The following PRKD3 variants were observed in gnomAD, a reference collection of about 807,000 sequenced individuals.
PRKD3 encodes protein kinase D3, also known as serine/threonine-protein kinase D3.
Under a neutral mutation model 99.2 loss-of-function variants are expected in PRKD3, and 47 were observed. The observed-to-expected ratio is 0.47, with a 90% CI of 0.38 to 0.60. PRKD3 has a LOEUF of 0.60. Ranked by LOEUF, PRKD3 falls within the 20% of genes least tolerant of loss-of-function variation. PRKD3 has a pLI of 0.00. For missense variants in PRKD3, 1,019 were observed against 1,088.4 expected (o/e 0.94, Z 0.90); for synonymous variants, 392 against 355.4 (o/e 1.10, Z -1.16).
At chr2:37,304,950 T>C (rs572412298) in intron 2 of PRKD3, among the ~76,000 whole-genome samples, 6 of 144,718 alleles carry the variant, frequency 4.1e-5, no homozygotes, top group Admixed American at 3.9e-4. Context: ...TGATGAATAG[T>C]AGAATTAAAA....
Position 37,251,156 on chromosome 2 carries a change from C to A in PRKD3, c.*2021G>T, listed in dbSNP as rs955254097. ...TTGATATAAACAGACTTTGGTGAAA[C>A]TGGGAAGTCATCCTCTATCACAGGG... On this transcript the variant is annotated 3_prime_UTR_variant, in exon 19 of 19. Coordinates refer to ENST00000234179, the MANE Select transcript of PRKD3 (RefSeq NM_005813.6). 4 of 152,576 alleles carry A rather than the reference C, an allele frequency of 2.6e-5. No individual in the cohort carries two copies. Among genetic ancestry groups the A allele is most frequent in the South Asian group, 2.1e-4 (1 of 4,830 alleles). 9.5% of individuals were successfully genotyped at this position (152,576 alleles called of 1,614,324 possible).
At position 37,309,315 on chromosome 2, in the gene PRKD3, T is replaced by C. The variant is rs190854200; in HGVS notation, c.288+6922A>G. Among the ~76,000 whole-genome samples the C allele has an allele frequency of 1.9e-3, 291 of 152,354 alleles. 2 individuals are homozygous for C. Among genetic ancestry groups the C allele is most frequent in the African/African-American group, 6.9e-3 (285 of 41,584 alleles). On this transcript the variant is annotated intron_variant, in intron 2 of 18. Transcript: ENST00000234179. ...TGACATCAAAAGATCTTATACAATG[T>C]CACTTAACTGTTCCTATCCCTTTAG...
intron 4 of PRKD3, 110 bp from the exon 5 acceptor site, chr2:37,289,623 T>A: frequency 1.1e-6 from 1 of 896,816 alleles, no homozygotes. Flanking sequence ...CTGTTAGCCA[T>A]ACCTATCCTA....
At chr2:37,307,141 G>T (rs963776257) in intron 2 of PRKD3, among the ~76,000 whole-genome samples, 1 of 152,090 alleles carries the variant, frequency 6.6e-6, no homozygotes, top group African/African-American at 2.4e-5. Context: ...ATCCAAAAAC[G>T]TCTCCAGACA....
At chr2:37,256,597 A>G in intron 17 of PRKD3, 65 bp downstream of exon 17, 3 of 1,431,192 alleles carry the variant, frequency 2.1e-6, no homozygotes, top group Non-Finnish European at 2.7e-6. Flanking sequence ...TGGGATGAGA[A>G]AGATGTTTAG....
intron 2 of PRKD3, among the ~76,000 whole-genome samples, chr2:37,310,041 C>T (rs1258043175): frequency 6.6e-6 from 1 of 152,114 alleles, no homozygotes; most frequent in African/African-American, 2.4e-5. Context: ...TAATAGAAAA[C>T]TGTGAGTACC....
rs371666087 is a variant in PRKD3 at position 37,316,240 on chromosome 2, T to C, written c.285A>G (p.Gln95=). ...VKDLVCSIVY[Q]KFPECGFFGM... ...CTGATAATAGCACACACAGTACCTT[T>C]TGATAAACTATGGAGCACACAAGAT... Residue 95 remains glutamine (Q), a synonymous_variant, in exon 2 of 19, where the codon CAA becomes CAG. Transcript: ENST00000234179. The C allele has an allele frequency of 2.1e-5, 34 of 1,609,220 alleles. No individual in the cohort carries two copies. The highest frequency in any genetic ancestry group is 1.5e-4 in the African/African-American group (11 of 74,814).
chr2:37,322,432 G>C (rs535227263), intron 1 of PRKD3, among the ~76,000 whole-genome samples: 14 of 152,310 alleles, frequency 9.2e-5, no homozygotes, highest in African/African-American at 3.4e-4. Flanking sequence ...ACCAGTGACA[G>C]TTGAATCTCA....
In PRKD3 at chr2:37,260,386, T is replaced by C; in HGVS notation, c.1885-2A>G. 6.2e-7 allele frequency: 1 copy of C among 1,608,874 alleles called. No individual in the cohort carries two copies. Among genetic ancestry groups the C allele is most frequent in the Non-Finnish European group, 8.5e-7 (1 of 1,175,422 alleles). ...TACAATCCCAGGATGGTGCAAATTC[T>C]GAAGAGAGGTTGCAAGATACATGAG... On this transcript the variant is annotated splice_acceptor_variant, in intron 14 of 18. Transcript: ENST00000234179. LOFTEE classifies it high-confidence loss of function.
At chr2:37,280,035 A>T in intron 7 of PRKD3, 106 bp from the exon 8 acceptor site, 2 of 673,514 alleles carry the variant, frequency 3.0e-6, no homozygotes, top group East Asian at 3.2e-5. Context: ...TATCTTTATG[A>T]GTTAAGTAAA....
intron 2 of PRKD3, among the ~76,000 whole-genome samples, chr2:37,303,666 G>A (rs562911319): frequency 9.2e-5 from 14 of 152,174 alleles, no homozygotes; most frequent in Admixed American, 2.0e-4. Context: ...AGGGTACCCC[G>A]TCCCAAGTCC....
At chr2:37,270,894 T>A (rs966917466) in intron 12 of PRKD3, among the ~76,000 whole-genome samples, 2 of 152,184 alleles carry the variant, frequency 1.3e-5, no homozygotes, top group African/African-American at 4.8e-5. Flanking sequence ...TTCTGAATCC[T>A]TTTCCCCCAT....
At chr2:37,259,464 CTA>C (rs1668239051) in intron 16 of PRKD3, 117 bp downstream of exon 16, 1 of 600,706 alleles carries the variant, frequency 1.7e-6, no homozygotes. Flanking sequence ...AGGCTAAAAA[CTA>C]TTTTTGTAAG....
chr2:37,292,635 C>T (rs979678472), intron 3 of PRKD3, among the ~76,000 whole-genome samples: 2 of 151,922 alleles, frequency 1.3e-5, no homozygotes, highest in Non-Finnish European at 2.9e-5. Context: ...CGTGAGCCAC[C>T]GCGCCAGGCC....
At chr2:37,269,734 A>T in intron 12 of PRKD3, 47 bp from the exon 13 acceptor site, 6 of 1,288,860 alleles carry the variant, frequency 4.7e-6, no homozygotes, top group Middle Eastern at 1.9e-4. Context: ...TCTATAATAC[A>T]ATGTCAACAT....
intron 2 of PRKD3, among the ~76,000 whole-genome samples, chr2:37,298,115 T>C (rs1670754078): frequency 6.6e-6 from 1 of 152,188 alleles, no homozygotes; most frequent in South Asian, 2.1e-4. Context: ...CTTTCAGATA[T>C]AATATGTACT....
intron 14 of PRKD3, among the ~76,000 whole-genome samples, chr2:37,261,800 C>T (rs999068742): frequency 1.4e-5 from 2 of 142,774 alleles, no homozygotes; most frequent in African/African-American, 2.6e-5. Context: ...AAAACCCAGA[C>T]GGTCCCCAAC....
chr2:37,261,653 G>A (rs1045575565), intron 14 of PRKD3, among the ~76,000 whole-genome samples: 4 of 144,616 alleles, frequency 2.8e-5, no homozygotes, highest in Admixed American at 1.4e-4. Context: ...GGTGGCGCAA[G>A]CCTGTAATCC....
intron 2 of PRKD3, among the ~76,000 whole-genome samples, chr2:37,305,374 C>A (rs993625226): frequency 6.6e-6 from 1 of 152,192 alleles, no homozygotes; most frequent in Admixed American, 6.5e-5. Context: ...AGAATTATTC[C>A]AATTTCTGTA....
Sources: allele counts gnomAD v4.1 joint callset (sites outside exome capture counted in the v4.1 genomes callset), GRCh38; gene constraint gnomAD v4.1.1; transcripts MANE v1.5; gene names NCBI Gene and HGNC (gene_info 2026-07-23, HGNC 2026-07-21).